SYNE2: variants seen among roughly 807,000 people sequenced by gnomAD.
The protein encoded by SYNE2 is nesprin-2.
SYNE2 carries 431 observed loss-of-function variants against 856.3 expected under a neutral mutation model. The observed-to-expected ratio is 0.50, with a 90% CI of 0.47 to 0.55. SYNE2 has a LOEUF of 0.55. Among genes scored for constraint, SYNE2 ranks in the 20% least tolerant of loss-of-function variants. SYNE2 has a pLI of 0.00. For synonymous variants in SYNE2, 2,923 were observed against 2,872.3 expected (o/e 1.02, Z -0.56); for missense variants, 8,129 against 8,023.2 (o/e 1.01, Z -0.50).
At chr14:63,931,215 A>G (rs1026845635) in intron 2 of SYNE2, among the ~76,000 whole-genome samples, 2 of 152,212 alleles carry the variant, frequency 1.3e-5, no homozygotes, top group Non-Finnish European at 1.5e-5. Flanking sequence ...CTTTTGTTCA[A>G]GACGTTTTAT....
At position 64,051,422 on chromosome 14, in the gene SYNE2, A is replaced by G. The variant is rs569046902; in HGVS notation, c.7644-135A>G. On this transcript the variant is annotated intron_variant, in intron 47 of 115. Coordinates refer to ENST00000555002, the MANE Select transcript of SYNE2 (RefSeq NM_182914.3). ...AGATTCTGATTTTTATTTTAAGGAT[A>G]GATTATTTTTACAGACAGCCTAATT... 7.4e-5 allele frequency: 60 copies of G among 812,448 alleles called. No individual in the cohort carries two copies. The African/African-American group carries it at 8.1e-4, about 11-fold the overall frequency. 50.3% of individuals were successfully genotyped at this position (812,448 alleles called of 1,614,324 possible). A position where few individuals can be genotyped will look rare whatever the true frequency, so the allele number is the denominator to read the frequency against.
chr14:63,972,582 G>A (rs554779906), intron 11 of SYNE2, among the ~76,000 whole-genome samples: 1 of 152,304 alleles, frequency 6.6e-6, no homozygotes, highest in Non-Finnish European at 1.5e-5. Context: ...TGAGCCTACT[G>A]TAGAAAATAG....
At chr14:63,940,088 T>TTTC (rs1555388562) in intron 2 of SYNE2, among the ~76,000 whole-genome samples, 5 of 149,660 alleles carry the variant, frequency 3.3e-5, no homozygotes, top group African/African-American at 5.0e-5. Flanking sequence ...TTTTTTTTTT[T>TTTC]CTTTCATGAA....
chr14:64,024,370 C>T lies in SYNE2; in HGVS notation c.5751C>T (p.Leu1917=), dbSNP rs373040509. ...KAHVKELISW[L]VGQEFELEKM... ...ATGTGAAGGAGCTTATCAGTTGGCT[C>T]GTGGGTCAGGAATTCGAATTAGAAA... The change falls in exon 39 of 116, where the codon CTC becomes CTT. Residue 1917 remains leucine (L), a synonymous_variant. Transcript: ENST00000555002. 5.3e-5 allele frequency: 86 copies of T among 1,613,950 alleles called. No homozygotes were observed. Among genetic ancestry groups the T allele is most frequent in the East Asian group, 1.3e-4 (6 of 44,902 alleles).
At chr14:63,965,567 T>C (rs1283921289) in intron 10 of SYNE2, among the ~76,000 whole-genome samples, 1 of 152,234 alleles carries the variant, frequency 6.6e-6, no homozygotes, top group African/African-American at 2.4e-5. Flanking sequence ...CTGTTGTCTA[T>C]ACAGCACTGT....
In SYNE2 at chr14:64,209,753, C is replaced by T. The variant is rs542703980; in HGVS notation, c.18540+175C>T. Reference sequence around the variant, plus strand: ...AGCTTTGCAAGACATTGCTGATGTACTCCAGCTGCTATGTAATGAACTTGA... The same window carrying T: ...AGCTTTGCAAGACATTGCTGATGTATTCCAGCTGCTATGTAATGAACTTGA... On this transcript the variant is annotated intron_variant, in intron 102 of 115. Transcript: ENST00000555002. The T allele has an allele frequency of 3.2e-5, 36 of 1,134,292 alleles. No individual in the cohort carries two copies. In the African/African-American group the frequency reaches 4.6e-4, roughly 14 times the overall value. The allele number at this position is 1,134,292 out of a possible 1,614,324, so 70.3% of individuals were successfully genotyped here.
At chr14:63,950,085 C>A in intron 7 of SYNE2, 79 bp downstream of exon 7, 2 of 1,436,650 alleles carry the variant, frequency 1.4e-6, no homozygotes, top group Non-Finnish European at 2.0e-6. Context: ...CAAACACCTC[C>A]CTCACTTAAC....
chr14:64,127,515 T>G (rs1351124630), intron 73 of SYNE2, among the ~76,000 whole-genome samples: 1 of 152,198 alleles, frequency 6.6e-6, no homozygotes, highest in Non-Finnish European at 1.5e-5. Flanking sequence ...ATTTAGCCAT[T>G]TAACAATTAA....
chr14:64,214,159 T>C (rs2098655218), intron 105 of SYNE2, 35 bp from the exon 106 acceptor site: 1 of 1,614,074 alleles, frequency 6.2e-7, no homozygotes, highest in African/African-American at 1.3e-5. Context: ...AGCCTATGAG[T>C]TGATTAATTC....
intron 6 of SYNE2, among the ~76,000 whole-genome samples, chr14:63,943,122 C>T (rs1181583501): frequency 6.6e-6 from 1 of 152,180 alleles, no homozygotes; most frequent in African/African-American, 2.4e-5. Flanking sequence ...TTTGTAAAGC[C>T]TCCCCATTTT....
intron 94 of SYNE2, among the ~76,000 whole-genome samples, chr14:64,173,447 C>T (rs778872622): frequency 4.6e-5 from 7 of 152,106 alleles, no homozygotes; most frequent in Non-Finnish European, 7.3e-5. Flanking sequence ...ATTTGGCTTT[C>T]CTCCTTTGGG....
At chr14:64,189,065 G>A (rs1467435767) in intron 98 of SYNE2, 2 of 688,714 alleles carry the variant, frequency 2.9e-6, no homozygotes, top group Non-Finnish European at 5.3e-6. Context: ...CTGGCGTGGT[G>A]GCTCATTGCT....
rs1011993115 is a variant in SYNE2 at position 64,125,192 on chromosome 14, A to G, written c.13536A>G (p.Ala4512=). ...AACTTGAAGACCTGCGCCAAGAAGC[A>G]AGTAACCTTCAGACACAGGTAGAAG... is the stretch of plus-strand genomic sequence containing the variant. ...TTQLEDLRQE[A]SNLQTQENMT... is the part of the protein sequence containing the mutation. The change falls in exon 71 of 116, where the codon GCA becomes GCG. Residue 4512 remains alanine (A), a synonymous_variant. Transcript: ENST00000555002. The G allele has an allele frequency of 1.9e-6, 3 of 1,614,174 alleles. No homozygotes were observed. The Admixed American group carries it at 5.0e-5, about 27-fold the overall frequency.
Position 64,210,174 on chromosome 14 carries a change from C to T in SYNE2, c.18723+50C>T, listed in dbSNP as rs369629502. 7.5e-4 allele frequency: 1,186 copies of T among 1,588,602 alleles called. 4 individuals are homozygous for T. Among genetic ancestry groups the T allele is most frequent in the African/African-American group, 6.4e-4 (48 of 74,450 alleles). On this transcript the variant is annotated intron_variant, in intron 103 of 115. Transcript: ENST00000555002. ...GGTGTAGATTTTCCAGGAGACATAA[C>T]GCACGATACGCAATGGCAGGCTTGT...
chr14:63,805,046 AT>A (rs1888306183), intron 1 of SYNE2, among the ~76,000 whole-genome samples: 1 of 152,090 alleles, frequency 6.6e-6, no homozygotes, highest in Admixed American at 6.5e-5. Context: ...AGATCAAATG[AT>A]TGTAGGTGTG....
Position 64,210,031 on chromosome 14 carries a change from C to T in SYNE2, c.18630C>T (p.Asp6210=), listed in dbSNP as rs774539738. 1 of 1,614,150 alleles carries T rather than the reference C, an allele frequency of 6.2e-7. No homozygotes were observed. ...YRRLARENRT[D]TASRLKQMVH... ...GGCTGGCCCGGGAGAACCGCACAGA[C>T]ACGGCCAGCAGGCTGAAGCAGATGG... is the stretch of plus-strand genomic sequence containing the variant. Residue 6210 remains aspartate (D), a synonymous_variant, in exon 103 of 116, where the codon GAC becomes GAT. Transcript: ENST00000555002.
intron 65 of SYNE2, among the ~76,000 whole-genome samples, chr14:64,110,671 G>A (rs17101671): frequency 1.5e-5 from 2 of 137,064 alleles, no homozygotes; most frequent in Non-Finnish European, 3.0e-5. Context: ...CTATCATATA[G>A]AGAAGGTATT....
At chr14:64,206,097 T>C (rs2098604045) in intron 100 of SYNE2, among the ~76,000 whole-genome samples, 1 of 152,202 alleles carries the variant, frequency 6.6e-6, no homozygotes, top group Admixed American at 6.5e-5. Context: ...TTGGTTCCTT[T>C]TTATTCTCAT....
At chr14:64,169,282 GT>G (rs1168249366) in intron 93 of SYNE2, among the ~76,000 whole-genome samples, 1 of 152,184 alleles carries the variant, frequency 6.6e-6, no homozygotes, top group Non-Finnish European at 1.5e-5. Context: ...CTTCTGTACT[GT>G]TTCCTTCTCT....
Sources: gnomAD v4.1 joint callset for allele counts (sites outside exome capture counted in the v4.1 genomes callset) on GRCh38, gnomAD v4.1.1 for gene constraint, MANE v1.5 for transcripts, NCBI Gene and HGNC (gene_info 2026-07-23, HGNC 2026-07-21) for gene names.